Variants in IK observed in about 807,000 individuals in gnomAD.
The protein encoded by IK is protein Red.
IK carries 47 observed loss-of-function variants against 90.9 expected under a neutral mutation model. The observed-to-expected ratio is 0.52, with a 90% CI of 0.41 to 0.66. IK has a LOEUF of 0.66. IK is among the 30% of genes least tolerant of loss of function. IK has a pLI of 0.00. For synonymous variants in IK, 201 were observed against 227.5 expected, an observed-to-expected ratio of 0.88 and a Z score of 1.05; for missense variants, 385 against 709.3, an observed-to-expected ratio of 0.54 and a Z score of 5.19.
Position 140,647,917 on chromosome 5 carries a change from G to A in IK, c.9G>A (p.Glu3=). The A allele has an allele frequency of 1.9e-6, 3 of 1,614,010 alleles. No homozygotes were observed. The South Asian group carries it at 3.3e-5, about 18-fold the overall frequency. The change falls in exon 1 of 20, where the codon GAG becomes GAA. Residue 3 remains glutamate, a synonymous_variant. Transcript: ENST00000417647. ...GAAAGAACGATAACAAAATGCCGGA[G>A]CGAGATAGTAAGGCTCAGGCCATCC... MP[E]RDSEPFSNPL...
At chr5:140,651,589 C>A (rs1003196721) in intron 2 of IK, 125 bp from the exon 3 acceptor site, 34 of 524,404 alleles carry the variant, frequency 6.5e-5, no homozygotes, top group Admixed American at 3.5e-4. Flanking sequence ...AAAAAAAAAA[C>A]AGTGTCATAT....
chr5:140,661,378 G>C lies in IK; in HGVS notation c.1414-242G>C, dbSNP rs1757801171. On this transcript the variant is annotated intron_variant, in intron 16 of 19. Coordinates refer to ENST00000417647, the MANE Select transcript of IK (RefSeq NM_006083.4). The surrounding 1 kb of genome is among the most constrained non-coding windows in gnomAD (Gnocchi z 4.2). ...CCTCAGTTTCCTCATCAGGAAAATG[G>C]AGAGAAATATAGTTCCCTCTTCATA... 1 of 455,930 alleles carries C rather than the reference G, an allele frequency of 2.2e-6. No individual in the cohort carries two copies. Among genetic ancestry groups the C allele is most frequent in the Non-Finnish European group, 3.9e-6 (1 of 255,332 alleles). 28.2% of individuals were successfully genotyped at this position (455,930 alleles called of 1,614,324 possible).
At chr5:140,655,697 T>G in intron 8 of IK, 132 bp from the exon 9 acceptor site, 1 of 792,574 alleles carries the variant, frequency 1.3e-6, no homozygotes, top group Middle Eastern at 3.7e-4. Context: ...ATCCACTTCA[T>G]AGGGCTGTTG....
At chr5:140,658,314 A>T (rs922634462) in intron 10 of IK, among the ~76,000 whole-genome samples, 1 of 143,462 alleles carries the variant, frequency 7.0e-6, no homozygotes, top group Admixed American at 7.0e-5. Context: ...TTATTTTATT[A>T]TTTTTATTTA....
chr5:140,651,617 T>C lies in IK; in HGVS notation c.84-97T>C, dbSNP rs1358578195. 5 of 684,038 alleles carry C rather than the reference T, an allele frequency of 7.3e-6. No individual in the cohort carries two copies. The South Asian group carries it at 7.3e-5, about 10-fold the overall frequency. The allele number at this position is 684,038 out of a possible 1,614,324, so 42.4% of individuals were successfully genotyped here. A position where few individuals can be genotyped will look rare whatever the true frequency, so the allele number is the denominator to read the frequency against. ...TGTCATATCTTTGTTTTAATTTGTA[T>C]TTCCCTGATTTCTGTTAATTTAATC... On this transcript the variant is annotated intron_variant, in intron 2 of 19. Transcript: ENST00000417647.
At chr5:140,660,056 G>A (rs1757775069) in intron 14 of IK, 59 bp from the exon 15 acceptor site, 2 of 1,490,348 alleles carry the variant, frequency 1.3e-6, no homozygotes, top group East Asian at 2.3e-5. Context: ...CCCCCTCCTG[G>A]CTGAAGCTTT....
chr5:140,659,421 G>C, intron 13 of IK, 88 bp downstream of exon 13: 2 of 1,404,444 alleles, frequency 1.4e-6, no homozygotes, highest in Non-Finnish European at 2.0e-6. Context: ...TGGGATTGGG[G>C]GACCTCCTGG....
At position 140,648,015 on chromosome 5, in the gene IK, T is replaced by A. The variant is rs953748648; in HGVS notation, c.16+91T>A. The A allele has an allele frequency of 6.7e-4, 583 of 874,822 alleles. 1 individual carries two copies. The highest frequency in any genetic ancestry group is 1.0e-3 in the Non-Finnish European group (554 of 540,658). The allele number at this position is 874,822 out of a possible 1,614,324, so 54.2% of individuals were successfully genotyped here. The stretch of plus-strand genomic sequence containing the variant: ...CTTCTGAGCTTAAGCCGGGTGTGTG[T>A]GTGTGTGTGTGTGTGTGTGTGTGTG... On this transcript the variant is annotated intron_variant, in intron 1 of 19. Transcript: ENST00000417647.
chr5:140,659,094 A>G lies in IK; in HGVS notation c.1106A>G (p.Glu369Gly). 1 of 1,612,460 alleles carries G rather than the reference A, an allele frequency of 6.2e-7. No individual in the cohort carries two copies. The highest frequency in any genetic ancestry group is 8.5e-7 in the Non-Finnish European group (1 of 1,179,100). ...GAACGAGATCGGGAACGAGAGCGAG[A>G]GCGGGACCGAGAGAGAGAAGAGGAA... ...ERERDRERER[E>G]RDREREEEKK... The change falls in exon 12 of 20, where the codon GAG (glutamate) becomes GGG (glycine). Residue 369 changes from glutamate to glycine, a missense_variant. Around this residue, in one of 8 missense-constraint regions of IK, gnomAD observed 139 missense variants for 172.0 expected, o/e 0.81. Transcript: ENST00000417647.
rs1297395608 is a variant in IK, at chr5:140,655,929, G to A, written c.738G>A (p.Glu246=). 1.9e-6 allele frequency: 3 copies of A among 1,574,230 alleles called. No individual in the cohort carries two copies. The highest frequency in any genetic ancestry group is 8.6e-7 in the Non-Finnish European group (1 of 1,158,388). ...CCTATGTGGTAGACCTGGATGATGAGTATGCTGACACAGATATCCCCACCA... is the reference window on the plus strand; with the variant it reads ...CCTATGTGGTAGACCTGGATGATGAATATGCTGACACAGATATCCCCACCA... ...RMAYVVDLDD[E]YADTDIPTTL... Residue 246 remains glutamate (E), a synonymous_variant, in exon 9 of 20, where the codon GAG becomes GAA. Coordinates refer to ENST00000417647, the MANE Select transcript of IK (RefSeq NM_006083.4).
chr5:140,654,384 A>G, intron 6 of IK, 132 bp from the exon 7 acceptor site: 1 of 733,780 alleles, frequency 1.4e-6, no homozygotes, highest in Non-Finnish European at 2.3e-6. Flanking sequence ...CATCTGCTAT[A>G]AGCTCCATTA....
Position 140,647,841 on chromosome 5 carries a change from A to G in IK, c.-68A>G. 3 of 1,594,582 alleles carry G rather than the reference A, an allele frequency of 1.9e-6. No individual in the cohort carries two copies. The highest frequency in any genetic ancestry group is 1.7e-6 in the Non-Finnish European group (2 of 1,162,194). On this transcript the variant is annotated 5_prime_UTR_variant, in exon 1 of 20. Transcript: ENST00000417647. ...TTGATTCTGAGGTGCACTGTGGGAA[A>G]GAGCTTGTCGCTGCGGTGTTGCTGT...
chr5:140,661,711 G>A lies in IK; in HGVS notation c.1502+3G>A. On this transcript the variant is annotated splice_donor_region_variant and intron_variant, in intron 17 of 19. Coordinates refer to ENST00000417647, the MANE Select transcript of IK (RefSeq NM_006083.4). This position sits in a 1 kb window ranked among gnomAD's most constrained non-coding sequence, Gnocchi z 4.2. The stretch of plus-strand genomic sequence containing the variant: ...AACAACAAAGAAGCTTTGCCCAAGT[G>A]AGTCGGTACTGAATATGGGCAGGGT... The A allele has an allele frequency of 6.2e-7, 1 of 1,600,762 alleles. No individual in the cohort carries two copies. The highest frequency in any genetic ancestry group is 8.5e-7 in the Non-Finnish European group (1 of 1,171,970).
At chr5:140,662,248 G>C in intron 19 of IK, 35 bp downstream of exon 19, 2 of 1,613,950 alleles carry the variant, frequency 1.2e-6, no homozygotes, top group Non-Finnish European at 1.7e-6. Context: ...TGGGACTGGT[G>C]GGAATTGCTT....
chr5:140,659,336 G>C lies in IK; in HGVS notation c.1195+3G>C, dbSNP rs771060592. ...CCAGCCCATGGACGTTGACAAAGGTGAGTTGTACACACAGCATCTCACAGT... is the reference window on the plus strand; with the variant it reads ...CCAGCCCATGGACGTTGACAAAGGTCAGTTGTACACACAGCATCTCACAGT... On this transcript the variant is annotated splice_donor_region_variant and intron_variant, in intron 13 of 19. Transcript: ENST00000417647. 1 of 1,613,988 alleles carries C rather than the reference G, an allele frequency of 6.2e-7. No individual in the cohort carries two copies. Among genetic ancestry groups the C allele is most frequent in the Non-Finnish European group, 8.5e-7 (1 of 1,179,862 alleles).
intron 2 of IK, 102 bp downstream of exon 2, chr5:140,648,639 A>G: frequency 8.7e-7 from 1 of 1,155,850 alleles, no homozygotes; most frequent in Non-Finnish European, 1.3e-6. Context: ...CAAGGATGGT[A>G]AAAAATTATA....
rs540439621 is a variant in IK, at chr5:140,649,462, G to A, written c.83+925G>A. 4.0e-5 allele frequency among the ~76,000 whole-genome samples: 6 copies of A among 151,520 alleles called. No homozygotes were observed. In the South Asian group the frequency reaches 1.2e-3, roughly 32 times the overall value. ...ACTCCTGGCCTGAAGTGATCCACCCGCCTCAGCCTCCTAAAGTGCTGGCAT... is the reference window on the plus strand; with the variant it reads ...ACTCCTGGCCTGAAGTGATCCACCCACCTCAGCCTCCTAAAGTGCTGGCAT... On this transcript the variant is annotated intron_variant, in intron 2 of 19. Transcript: ENST00000417647.
Position 140,661,204 on chromosome 5 carries a change from C to A in IK, c.1413+389C>A, listed in dbSNP as rs1216595522. 1 of 245,930 alleles carries A rather than the reference C, an allele frequency of 4.1e-6. No individual in the cohort carries two copies. The highest frequency in any genetic ancestry group is 7.7e-6 in the Non-Finnish European group (1 of 129,530). The allele number at this position is 245,930 out of a possible 1,614,324, so 15.2% of individuals were successfully genotyped here. ...TTAAGCAAAATTAAAAAGAAAAAAA[C>A]CACTAATGCCACTAATAGTGAAGAA... On this transcript the variant is annotated intron_variant, in intron 16 of 19. Coordinates refer to ENST00000417647, the MANE Select transcript of IK (RefSeq NM_006083.4). The surrounding 1 kb of genome is among the most constrained non-coding windows in gnomAD (Gnocchi z 4.2).
chr5:140,657,439 C>A, intron 9 of IK, 115 bp from the exon 10 acceptor site: 1 of 702,172 alleles, frequency 1.4e-6, no homozygotes, highest in East Asian at 2.7e-5. Context: ...CACTTCGTTT[C>A]CCTCCCTTCA....
Sources: allele counts gnomAD v4.1 joint callset (sites outside exome capture counted in the v4.1 genomes callset), GRCh38; gene constraint gnomAD v4.1.1; regional missense constraint gnomAD v4.1.1; non-coding constraint Gnocchi (gnomAD v3.1); transcripts MANE v1.5; gene names NCBI Gene and HGNC (gene_info 2026-07-23, HGNC 2026-07-21).